Variants in FGF14 observed in about 807,000 individuals in gnomAD.
FGF14 encodes fibroblast growth factor homologous factor 4.
FGF14 carries 5 observed loss-of-function variants against 25.5 expected under a neutral mutation model. The observed-to-expected ratio is 0.20, with a 90% CI of 0.10 to 0.41. The LOEUF (loss-of-function observed/expected upper bound fraction) is 0.41. Among genes scored for constraint, FGF14 ranks in the 10% least tolerant of loss-of-function variants. The pLI is 1.00. For missense variants in FGF14, 222 were observed against 320.1 expected (o/e 0.69, Z 2.34); for synonymous variants, 138 against 118.3 (o/e 1.17, Z -1.08).
intron 1 of FGF14, among the ~76,000 whole-genome samples, chr13:101,990,014 T>C (rs1233150398): frequency 6.6e-6 from 1 of 152,140 alleles, no homozygotes; most frequent in Non-Finnish European, 1.5e-5. Context: ...CCAAATATTT[T>C]TGTCAACTTT....
intron 1 of FGF14, among the ~76,000 whole-genome samples, chr13:102,036,453 C>A (rs374098378): frequency 2.0e-5 from 3 of 152,010 alleles, no homozygotes. Flanking sequence ...TCCAGCCACT[C>A]GAGGGTGCTC....
upstream of FGF14, among the ~76,000 whole-genome samples, chr13:101,917,533 AACGTGGTT>A (rs1412515104): frequency 6.6e-6 from 1 of 151,794 alleles, no homozygotes; most frequent in East Asian, 2.0e-4. Flanking sequence ...TCTCGGTCTT[AACGTGGTT>A]ACCGGTGCAC....
At chr13:101,837,969 G>T (rs957043816) in intron 3 of FGF14, among the ~76,000 whole-genome samples, 1 of 151,892 alleles carries the variant, frequency 6.6e-6, no homozygotes, top group African/African-American at 2.4e-5. Flanking sequence ...GACTAGACTG[G>T]CTTAGTCTTC....
intron 1 of FGF14, among the ~76,000 whole-genome samples, chr13:102,339,073 T>C (rs923869698): frequency 6.6e-6 from 1 of 151,806 alleles, no homozygotes; most frequent in African/African-American, 2.4e-5. Context: ...ATATGTAATT[T>C]TTTAATCCAA....
At chr13:101,945,318 C>T (rs992761986) in intron 1 of FGF14, among the ~76,000 whole-genome samples, 4 of 151,634 alleles carry the variant, frequency 2.6e-5, no homozygotes, top group African/African-American at 9.7e-5. Flanking sequence ...AACTCCATCC[C>T]AAAAAAATAA....
At chr13:101,988,714 G>A (rs551868546) in intron 1 of FGF14, among the ~76,000 whole-genome samples, 1 of 134,730 alleles carries the variant, frequency 7.4e-6, no homozygotes, top group Non-Finnish European at 1.6e-5. Flanking sequence ...TGTGGGGTGG[G>A]GGGGAGGGGG....
chr13:101,958,291 T>C (rs1051376290), intron 1 of FGF14, among the ~76,000 whole-genome samples: 4 of 152,232 alleles, frequency 2.6e-5, no homozygotes, highest in African/African-American at 7.2e-5. Flanking sequence ...AAGTGACCCA[T>C]GATTGGCAGC....
chr13:102,079,159 G>A (rs1367568543), intron 1 of FGF14, among the ~76,000 whole-genome samples: 1 of 152,146 alleles, frequency 6.6e-6, no homozygotes, highest in African/African-American at 2.4e-5. Context: ...TTCACCATCA[G>A]TCTCTTCCCC....
At chr13:101,865,729 T>A (rs1340228383) in intron 3 of FGF14, among the ~76,000 whole-genome samples, 1 of 152,122 alleles carries the variant, frequency 6.6e-6, no homozygotes, top group Non-Finnish European at 1.5e-5. Flanking sequence ...ACACCTCAAG[T>A]CAAATCACCG....
At chr13:102,255,226 G>A (rs1016653174) in intron 1 of FGF14, among the ~76,000 whole-genome samples, 8 of 152,094 alleles carry the variant, frequency 5.3e-5, no homozygotes, top group Non-Finnish European at 1.0e-4. Flanking sequence ...ATTTGAGCAC[G>A]ATTTGATTTT....
chr13:102,100,104 T>C (rs1237460183), intron 1 of FGF14, among the ~76,000 whole-genome samples: 1 of 152,150 alleles, frequency 6.6e-6, no homozygotes. Flanking sequence ...AAAAGTACGG[T>C]ATGATGCCTG....
At chr13:101,742,396 C>T (rs2036612216) in intron 3 of FGF14, among the ~76,000 whole-genome samples, 4 of 152,034 alleles carry the variant, frequency 2.6e-5, no homozygotes, top group South Asian at 4.1e-4. Flanking sequence ...AGATGAAAAA[C>T]CAGTGATTAT....
intron 1 of FGF14, among the ~76,000 whole-genome samples, chr13:102,311,967 C>T (rs1242038338): frequency 1.3e-5 from 2 of 152,140 alleles, no homozygotes; most frequent in African/African-American, 2.4e-5. Flanking sequence ...TTGGCCCACA[C>T]ATTTTAATGT....
chr13:102,226,745 C>T (rs1179155265), intron 1 of FGF14, among the ~76,000 whole-genome samples: 3 of 152,126 alleles, frequency 2.0e-5, no homozygotes, highest in African/African-American at 7.2e-5. Flanking sequence ...TATGATGGTT[C>T]TCAAATCTAT....
chr13:101,714,821 G>A lies in FGF14; in HGVS notation c.*8010C>T, dbSNP rs1398634413. 2 of 447,236 alleles carry A rather than the reference G, an allele frequency of 4.5e-6. No individual in the cohort carries two copies. The highest frequency in any genetic ancestry group is 4.0e-6 in the Non-Finnish European group (1 of 248,962). 27.7% of individuals were successfully genotyped at this position (447,236 alleles called of 1,614,324 possible). On this transcript the variant is annotated 3_prime_UTR_variant, in exon 5 of 5. Coordinates refer to ENST00000376143, the MANE Select transcript of FGF14 (RefSeq NM_004115.4). ...AACCTCCCCACCCTCAAACTCACAT[G>A]TATGCAGTTGTATATTGAACACAGA...
At chr13:101,922,684 A>G (rs1004343603) in intron 1 of FGF14, among the ~76,000 whole-genome samples, 1 of 152,140 alleles carries the variant, frequency 6.6e-6, no homozygotes, top group Non-Finnish European at 1.5e-5. Context: ...CAAACAAGAA[A>G]CAGCCTTATT....
chr13:102,383,110 T>C (rs1380322078), intron 1 of FGF14, among the ~76,000 whole-genome samples: 3 of 152,176 alleles, frequency 2.0e-5, no homozygotes, highest in Admixed American at 6.5e-5. Flanking sequence ...ATATGAATTA[T>C]ATTTCAATAA....
At chr13:102,135,053 ACACACAC>A (rs1566730251) in intron 1 of FGF14, among the ~76,000 whole-genome samples, 18 of 150,556 alleles carry the variant, frequency 1.2e-4, no homozygotes, top group African/African-American at 3.7e-4. Flanking sequence ...ACACACACAC[ACACACAC>A]AAATCCGCGT....
At chr13:102,357,082 C>A (rs963088423) in intron 1 of FGF14, among the ~76,000 whole-genome samples, 2 of 150,186 alleles carry the variant, frequency 1.3e-5, no homozygotes, top group African/African-American at 4.9e-5. Flanking sequence ...ATCATAAAAT[C>A]TGAGCTGTTT....
Sources: gnomAD v4.1 joint callset for allele counts (sites outside exome capture counted in the v4.1 genomes callset) on GRCh38, gnomAD v4.1.1 for gene constraint, MANE v1.5 for transcripts, NCBI Gene and HGNC (gene_info 2026-07-23, HGNC 2026-07-21) for gene names.